Variants in SCAP observed in about 807,000 individuals in gnomAD.
SCAP encodes sterol regulatory element-binding protein cleavage-activating protein.
In SCAP, 65 loss-of-function variants were observed where a neutral mutation model predicts 123.6. The observed-to-expected ratio is 0.53, with a 90% CI of 0.43 to 0.65. The LOEUF (loss-of-function observed/expected upper bound fraction) is 0.65, where lower values mean the gene tolerates loss of function less well. Ranked by LOEUF, SCAP falls within the 30% of genes least tolerant of loss-of-function variation. The pLI is 0.00. For missense variants in SCAP, 1,398 were observed against 1,712.5 expected (o/e 0.82, Z 3.24); for synonymous variants, 740 against 726.3 (o/e 1.02, Z -0.30).
At chr3:47,472,012 C>T (rs1417942017) in intron 1 of SCAP, among the ~76,000 whole-genome samples, 3 of 151,828 alleles carry the variant, frequency 2.0e-5, no homozygotes, top group Admixed American at 1.3e-4. Flanking sequence ...TGGTGGTGCA[C>T]AGCTGTAATC....
chr3:47,441,775 CTCTT>C (rs1706813347), intron 2 of SCAP, among the ~76,000 whole-genome samples: 1 of 151,962 alleles, frequency 6.6e-6, no homozygotes, highest in African/African-American at 2.4e-5. Flanking sequence ...GTCCCTACCC[CTCTT>C]TGTTAAATGG....
chr3:47,472,821 C>T (rs1708081570), intron 1 of SCAP, among the ~76,000 whole-genome samples: 1 of 152,108 alleles, frequency 6.6e-6, no homozygotes, highest in South Asian at 2.1e-4. Flanking sequence ...TGGCTCACGC[C>T]TGTAATCCCA....
At chr3:47,440,358 T>C (rs1043400410) in intron 2 of SCAP, among the ~76,000 whole-genome samples, 1 of 152,214 alleles carries the variant, frequency 6.6e-6, no homozygotes, top group Non-Finnish European at 1.5e-5. Flanking sequence ...CTTGTGTCCC[T>C]GGGTCCATGA....
intron 2 of SCAP, among the ~76,000 whole-genome samples, chr3:47,436,834 C>T (rs1706597022): frequency 6.6e-6 from 1 of 152,154 alleles, no homozygotes; most frequent in Non-Finnish European, 1.5e-5. Flanking sequence ...CCTCAGAAGG[C>T]AGCCTTGTGC....
chr3:47,468,657 C>T (rs910336222), intron 1 of SCAP, among the ~76,000 whole-genome samples: 1 of 152,082 alleles, frequency 6.6e-6, no homozygotes, highest in African/African-American at 2.4e-5. Context: ...AATTTTCTCC[C>T]ACTCTGTAGG....
chr3:47,414,518 AGC>A, intron 21 of SCAP, 52 bp downstream of exon 21: 1 of 1,608,332 alleles, frequency 6.2e-7, no homozygotes, highest in Non-Finnish European at 8.5e-7. Flanking sequence ...CCCAGGAGTC[AGC>A]AAACATGGGC....
chr3:47,472,725 C>A (rs1708077830), intron 1 of SCAP, among the ~76,000 whole-genome samples: 1 of 152,060 alleles, frequency 6.6e-6, no homozygotes, highest in African/African-American at 2.4e-5. Flanking sequence ...GTCAGTGACG[C>A]TGGCTTCCTC....
intron 10 of SCAP, 186 bp from the exon 11 acceptor site, chr3:47,421,215 A>AG (rs879739895): frequency 4.8e-6 from 3 of 620,468 alleles, no homozygotes; most frequent in South Asian, 1.9e-5. Flanking sequence ...CGTCTCCACC[A>AG]GGGGGCAGAA....
Position 47,413,702 on chromosome 3 carries a change from G to C in SCAP, c.*152C>G. On this transcript the variant is annotated 3_prime_UTR_variant, in exon 23 of 23. Coordinates refer to ENST00000265565, the MANE Select transcript of SCAP (RefSeq NM_012235.4). Reference sequence around the variant, plus strand: ...CAAGTAGCTCCCAAAGTGCCTGACAGATGATGATATGGTTTTTTAAAAAAG... The same window carrying C: ...CAAGTAGCTCCCAAAGTGCCTGACACATGATGATATGGTTTTTTAAAAAAG... 1 of 1,072,036 alleles carries C rather than the reference G, an allele frequency of 9.3e-7. No individual in the cohort carries two copies. The highest frequency in any genetic ancestry group is 1.3e-6 in the Non-Finnish European group (1 of 743,986). The allele number at this position is 1,072,036 out of a possible 1,614,324, so 66.4% of individuals were successfully genotyped here.
At chr3:47,418,626 T>TAGC in intron 14 of SCAP, 29 bp downstream of exon 14, 1 of 1,459,578 alleles carries the variant, frequency 6.9e-7, no homozygotes. Context: ...CCGCACTCTT[T>TAGC]CCCACCCCAC....
chr3:47,414,293 C>T lies in SCAP; in HGVS notation c.3481G>A (p.Gly1161Arg), dbSNP rs770868179. The T allele has an allele frequency of 4.3e-6, 7 of 1,613,356 alleles. No individual in the cohort carries two copies. Among genetic ancestry groups the T allele is most frequent in the Non-Finnish European group, 5.1e-6 (6 of 1,180,020 alleles). Reference sequence around the variant, plus strand: ...GTACAGGTAAGGGAGGTGACATCCCCACGGTGAGCAAACACATGGCTGACC... The same window carrying T: ...GTACAGGTAAGGGAGGTGACATCCCTACGGTGAGCAAACACATGGCTGACC... ...SRVSHVFAHRGDVTSLTCTTS... is the reference protein window; with the variant it reads ...SRVSHVFAHRRDVTSLTCTTS... The change falls in exon 22 of 23, where the codon GGG (glycine) becomes AGG (arginine). Residue 1161 changes from glycine (G) to arginine (R), a missense_variant. Physicochemically the swap from Gly to Arg is moderately radical, Grantham distance 125 (BLOSUM62 -2). Coordinates refer to ENST00000265565, the MANE Select transcript of SCAP (RefSeq NM_012235.4).
At chr3:47,464,950 G>A (rs898572103) in intron 1 of SCAP, among the ~76,000 whole-genome samples, 2 of 152,122 alleles carry the variant, frequency 1.3e-5, no homozygotes, top group Admixed American at 1.3e-4. Context: ...GCAAAAATCA[G>A]TTGCATTTCT....
Position 47,439,347 on chromosome 3 carries a change from T to G in SCAP, c.122+3525A>C, listed in dbSNP as rs1290680019. 6.6e-6 allele frequency among the ~76,000 whole-genome samples: 1 copy of G among 152,174 alleles called. No homozygotes were observed. The highest frequency in any genetic ancestry group is 1.5e-5 in the Non-Finnish European group (1 of 68,032). ...TCACTTGAACCTGGGAGGCAGAGGTTGCAGTAAGCCATGATTGTGCCATTG... is the reference window on the plus strand; with the variant it reads ...TCACTTGAACCTGGGAGGCAGAGGTGGCAGTAAGCCATGATTGTGCCATTG... On this transcript the variant is annotated intron_variant, in intron 2 of 22. Transcript: ENST00000265565. The surrounding 1 kb of genome is among the most constrained non-coding windows in gnomAD (Gnocchi z 4.0).
At position 47,414,008 on chromosome 3, in the gene SCAP, T is replaced by G; in HGVS notation, c.3686A>C (p.Tyr1229Ser). 6.2e-7 allele frequency: 1 copy of G among 1,613,222 alleles called. No individual in the cohort carries two copies. Among genetic ancestry groups the G allele is most frequent in the South Asian group, 1.1e-5 (1 of 91,082 alleles). ...GTAGACTGTCTGTAACAGGTCCCCG[T>G]AGTTTAGGTCCCAAAAGGAGACACA... ...QGCVSFWDLN[Y>S]GDLLQTVYLG... The change falls in exon 23 of 23, where the codon TAC becomes TCC. Residue 1229 changes from tyrosine (Y) to serine (S), a missense_variant. By Grantham distance (144) the Tyr-to-Ser change is moderately radical. This residue lies in a region of SCAP where 130 missense variants were observed against 166.7 expected (regional missense o/e 0.78). Coordinates refer to ENST00000265565, the MANE Select transcript of SCAP (RefSeq NM_012235.4).
chr3:47,435,675 C>T (rs1053664621), intron 2 of SCAP, among the ~76,000 whole-genome samples: 1 of 151,992 alleles, frequency 6.6e-6, no homozygotes, highest in Admixed American at 6.6e-5. Flanking sequence ...CGTAAGCAAC[C>T]GTGCCTGGCT....
rs376014393 is a variant in SCAP at position 47,418,358 on chromosome 3, G to A, written c.2294C>T (p.Thr765Met). Reference sequence around the variant, plus strand: ...GCGCAGCACAAGCGGCACGATCTCCGTCTCGGGTGGCGCATAGCCGTAGTC... The same window carrying A: ...GCGCAGCACAAGCGGCACGATCTCCATCTCGGGTGGCGCATAGCCGTAGTC... ...CDDYGYAPPE[T>M]EIVPLVLRGH... is the part of the protein sequence containing the mutation. Residue 765 changes from threonine to methionine, a missense_variant, in exon 15 of 23, where the codon ACG becomes ATG. Physicochemically the swap from Thr to Met is moderately conservative, Grantham distance 81 (BLOSUM62 -1). Around this residue, in one of 7 missense-constraint regions of SCAP, gnomAD observed 828 missense variants for 882.5 expected, o/e 0.94. Transcript: ENST00000265565. 13 of 1,570,592 alleles carry A rather than the reference G, an allele frequency of 8.3e-6. No homozygotes were observed. Among genetic ancestry groups the A allele is most frequent in the Middle Eastern group, 1.7e-4 (1 of 6,020 alleles).
Position 47,427,492 on chromosome 3 carries a change from G to A in SCAP, c.586C>T (p.His196Tyr), listed in dbSNP as rs757177895. 1 of 1,614,200 alleles carries A rather than the reference G, an allele frequency of 6.2e-7. No individual in the cohort carries two copies. Among genetic ancestry groups the A allele is most frequent in the South Asian group, 1.1e-5 (1 of 91,090 alleles). ...HADPDIIGTI[H>Y]QHEPKTLQTS... ...TGCAGGGTTTTAGGCTCGTGCTGGT[G>A]GATGGTCCCAATGATGTCAGGATCA... The change falls in exon 5 of 23, where the codon CAC becomes TAC. Residue 196 changes from histidine to tyrosine, a missense_variant. This residue lies in a region of SCAP where 319 missense variants were observed against 432.4 expected (regional missense o/e 0.74). Coordinates refer to ENST00000265565, the MANE Select transcript of SCAP (RefSeq NM_012235.4).
chr3:47,417,041 A>T, intron 18 of SCAP, 81 bp downstream of exon 18: 1 of 1,264,650 alleles, frequency 7.9e-7, no homozygotes, highest in Non-Finnish European at 1.1e-6. Context: ...AGTTGAAGAG[A>T]ACCAGAACTC....
chr3:47,435,557 G>A (rs373299249), intron 2 of SCAP, among the ~76,000 whole-genome samples: 1 of 148,836 alleles, frequency 6.7e-6, no homozygotes, highest in Non-Finnish European at 1.5e-5. Flanking sequence ...GGTAATTTTT[G>A]TATTTTTAGT....
Sources: gnomAD v4.1 joint callset for allele counts (sites outside exome capture counted in the v4.1 genomes callset) on GRCh38, gnomAD v4.1.1 for gene constraint, gnomAD v4.1.1 regional missense constraint, Gnocchi (gnomAD v3.1) non-coding constraint, MANE v1.5 for transcripts, NCBI Gene and HGNC (gene_info 2026-07-23, HGNC 2026-07-21) for gene names.